PPFIA2: variants seen among roughly 807,000 people sequenced by gnomAD.
PPFIA2 encodes liprin-alpha-2.
Under a neutral mutation model 175.5 loss-of-function variants are expected in PPFIA2, and 46 were observed. The observed-to-expected ratio is 0.26, with a 90% CI of 0.21 to 0.34. The LOEUF (loss-of-function observed/expected upper bound fraction) is 0.34, where lower values mean the gene tolerates loss of function less well. Among genes scored for constraint, PPFIA2 ranks in the 10% least tolerant of loss-of-function variants. PPFIA2 has a pLI of 1.00. For missense variants in PPFIA2, 1,179 were observed against 1,506.1 expected (o/e 0.78, Z 3.60); for synonymous variants, 568 against 511.4 (o/e 1.11, Z -1.49).
chr12:81,566,530 C>CAAAAAAAAAAAAAAAA (rs3075452), intron 4 of PPFIA2, among the ~76,000 whole-genome samples: 14 of 68,448 alleles, frequency 2.0e-4, no homozygotes, highest in African/African-American at 2.8e-4. Context: ...GACTCCAACT[C>CAAAAAAAAAAAAAAAA]AAAAAAAAAA....
chr12:81,320,805 G>C (rs2053495686), intron 22 of PPFIA2, among the ~76,000 whole-genome samples: 1 of 151,994 alleles, frequency 6.6e-6, no homozygotes, highest in South Asian at 2.1e-4. Context: ...TTGAGAATTA[G>C]AGAGGTGAAT....
intron 3 of PPFIA2, among the ~76,000 whole-genome samples, chr12:81,740,264 GC>G: frequency 2.0e-5 from 3 of 152,166 alleles, no homozygotes; most frequent in Admixed American, 2.0e-4. Flanking sequence ...TGATTGCAAT[GC>G]AAATTGTAAC....
At chr12:81,535,644 C>T (rs1186370433) in intron 4 of PPFIA2, 1 of 291,098 alleles carries the variant, frequency 3.4e-6, no homozygotes, top group South Asian at 3.1e-5. Context: ...CACACACATA[C>T]ACACACACAC....
At chr12:81,534,616 A>G (rs959769150) in intron 4 of PPFIA2, among the ~76,000 whole-genome samples, 18 of 151,688 alleles carry the variant, frequency 1.2e-4, no homozygotes, top group African/African-American at 4.4e-4. Flanking sequence ...TGAGTTTCAA[A>G]TTTAACTCAA....
chr12:81,620,159 C>CAAAAAA (rs376856927), intron 4 of PPFIA2, among the ~76,000 whole-genome samples: 9 of 54,568 alleles, frequency 1.6e-4, no homozygotes, highest in Admixed American at 2.7e-4. Flanking sequence ...CACTCCTTCT[C>CAAAAAA]AAAAAAAAAA....
chr12:81,528,011 C>T (rs529486527), intron 4 of PPFIA2, among the ~76,000 whole-genome samples: 1 of 152,164 alleles, frequency 6.6e-6, no homozygotes, highest in South Asian at 2.1e-4. Context: ...CCTGAACGAA[C>T]TAAGACAACA....
intron 11 of PPFIA2, among the ~76,000 whole-genome samples, chr12:81,371,280 T>TTAGAGCTC (rs1566511525): frequency 3.8e-5 from 5 of 129,908 alleles, no homozygotes; most frequent in Non-Finnish European, 8.9e-5. Context: ...AAAATATATT[T>TTAGAGCTC]TATTAAAAAT....
Position 81,739,835 on chromosome 12 carries a change from A to G in PPFIA2, c.249+14138T>C, listed in dbSNP as rs937516605. On this transcript the variant is annotated intron_variant, in intron 3 of 32. Coordinates refer to ENST00000549396, the MANE Select transcript of PPFIA2 (RefSeq NM_003625.5). ...AAACAATTTCTTCCAGGTAACATCAATATTAACATGGGCTTATAGATTTAA... is the reference window on the plus strand; with the variant it reads ...AAACAATTTCTTCCAGGTAACATCAGTATTAACATGGGCTTATAGATTTAA... Among the ~76,000 whole-genome samples, 3 of 152,256 alleles carry G rather than the reference A, an allele frequency of 2.0e-5. No homozygotes were observed. The East Asian group carries it at 5.8e-4, about 29-fold the overall frequency.
intron 3 of PPFIA2, among the ~76,000 whole-genome samples, chr12:81,716,276 T>C (rs2078605280): frequency 6.6e-6 from 1 of 151,762 alleles, no homozygotes; most frequent in South Asian, 2.1e-4. Context: ...TTATTTTCTA[T>C]GTGAACAAAG....
chr12:81,682,758 T>C (rs1335832168), intron 3 of PPFIA2, among the ~76,000 whole-genome samples: 1 of 152,034 alleles, frequency 6.6e-6, no homozygotes, highest in Non-Finnish European at 1.5e-5. Context: ...CTACTTTCTG[T>C]TGACATGCCC....
intron 2 of PPFIA2, among the ~76,000 whole-genome samples, chr12:81,757,399 C>A (rs558051476): frequency 1.3e-5 from 2 of 152,090 alleles, no homozygotes; most frequent in Non-Finnish European, 2.9e-5. Flanking sequence ...ATCATTCCCC[C>A]CTCAAAGTCA....
At chr12:81,599,946 A>G (rs1179714019) in intron 4 of PPFIA2, among the ~76,000 whole-genome samples, 1 of 151,972 alleles carries the variant, frequency 6.6e-6, no homozygotes, top group Non-Finnish European at 1.5e-5. Flanking sequence ...AAGTGTCCTC[A>G]ATCACATCAT....
At chr12:81,711,576 C>T (rs2077927796) in intron 3 of PPFIA2, among the ~76,000 whole-genome samples, 1 of 151,164 alleles carries the variant, frequency 6.6e-6, no homozygotes, top group Admixed American at 6.8e-5. Flanking sequence ...ACCTGTATAC[C>T]TGGTGGTGGG....
At chr12:81,548,688 AGCCTCATTT>A (rs1285109033) in intron 4 of PPFIA2, among the ~76,000 whole-genome samples, 1 of 152,060 alleles carries the variant, frequency 6.6e-6, no homozygotes, top group Non-Finnish European at 1.5e-5. Flanking sequence ...AATTTTCAAA[AGCCTCATTT>A]ATAATATTTA....
chr12:81,575,761 A>T (rs901189566), intron 4 of PPFIA2, among the ~76,000 whole-genome samples: 2 of 151,772 alleles, frequency 1.3e-5, no homozygotes, highest in African/African-American at 4.8e-5. Context: ...ATTCAGTTGC[A>T]TATGTAAGTA....
At chr12:81,750,475 C>T (rs1314484867) in intron 3 of PPFIA2, among the ~76,000 whole-genome samples, 1 of 107,166 alleles carries the variant, frequency 9.3e-6, no homozygotes, top group Non-Finnish European at 2.3e-5. Flanking sequence ...TTAGAGCACA[C>T]TTAGGTTGTG....
chr12:81,432,748 C>T (rs1475211710), intron 7 of PPFIA2, among the ~76,000 whole-genome samples: 1 of 152,054 alleles, frequency 6.6e-6, no homozygotes. Flanking sequence ...TGAGCCACTA[C>T]GCCCGGCTAG....
Position 81,672,343 on chromosome 12 carries a change from A to T in PPFIA2, c.303+4448T>A, listed in dbSNP as rs868795625. On this transcript the variant is annotated intron_variant, in intron 4 of 32. Transcript: ENST00000549396. ...AAACTCTAAGACCATTTACAATTTA[A>T]AATATATATAATTTGGTCTAAACAG... Among the ~76,000 whole-genome samples, 3 of 151,994 alleles carry T rather than the reference A, an allele frequency of 2.0e-5. No homozygotes were observed. The South Asian group carries it at 6.2e-4, about 31-fold the overall frequency.
At chr12:81,505,086 C>G (rs886158907) in intron 4 of PPFIA2, among the ~76,000 whole-genome samples, 2 of 152,062 alleles carry the variant, frequency 1.3e-5, no homozygotes, top group Admixed American at 6.6e-5. Flanking sequence ...TTCCCACTTC[C>G]AAATATATTC....
Sources: gnomAD v4.1 joint callset for allele counts (sites outside exome capture counted in the v4.1 genomes callset) on GRCh38, gnomAD v4.1.1 for gene constraint, MANE v1.5 for transcripts, NCBI Gene and HGNC (gene_info 2026-07-23, HGNC 2026-07-21) for gene names.